Variants in RAI1 observed in about 807,000 individuals in gnomAD.
RAI1 encodes retinoic acid-induced protein 1.
In RAI1, 9 loss-of-function variants were observed where a neutral mutation model predicts 123.8. The ratio of observed to expected loss-of-function variants is 0.07; its 90% CI spans 0.04 to 0.13. The LOEUF (loss-of-function observed/expected upper bound fraction) is 0.13. Ranked by LOEUF, RAI1 falls within the 10% of genes least tolerant of loss-of-function variation. The pLI, the probability that RAI1 is intolerant of heterozygous loss-of-function variation, is 1.00. For missense variants in RAI1, 2,256 were observed against 2,545.8 expected, an observed-to-expected ratio of 0.89 and a Z score of 2.45; for synonymous variants, 1,231 against 1,127.3, an observed-to-expected ratio of 1.09 and a Z score of -1.84.
chr17:17,746,634 C>CTTTTTTTTTTTTTTTTTTTT (rs377692656), intron 2 of RAI1, among the ~76,000 whole-genome samples: 3 of 120,384 alleles, frequency 2.5e-5, no homozygotes, highest in African/African-American at 3.1e-5. Context: ...CTTTTCTTTT[C>CTTTTTTTTTTTTTTTTTTTT]TTTTTTTTTT....
intron 2 of RAI1, among the ~76,000 whole-genome samples, chr17:17,771,019 C>G (rs1213859544): frequency 1.3e-5 from 2 of 152,084 alleles, no homozygotes; most frequent in African/African-American, 4.8e-5. Flanking sequence ...AAGGGCAGGG[C>G]TCAGGAAAGG....
chr17:17,700,830 C>T (rs1915198425), intron 1 of RAI1, among the ~76,000 whole-genome samples: 1 of 152,200 alleles, frequency 6.6e-6, no homozygotes, highest in Non-Finnish European at 1.5e-5. Context: ...CGCGCCGTCC[C>T]CCGGCCATCT....
chr17:17,689,876 G>C (rs1268574668), intron 1 of RAI1, among the ~76,000 whole-genome samples: 2 of 152,102 alleles, frequency 1.3e-5, no homozygotes, highest in African/African-American at 4.8e-5. Flanking sequence ...CTTGGTGCTG[G>C]AGGAGGTCAC....
intron 3 of RAI1, 121 bp downstream of exon 3, chr17:17,798,634 G>A: frequency 6.7e-7 from 1 of 1,489,306 alleles, no homozygotes; most frequent in Non-Finnish European, 9.0e-7. Context: ...GCAGTCTCGG[G>A]ACAATCTGCA....
chr17:17,746,585 C>T (rs1008208845), intron 2 of RAI1, among the ~76,000 whole-genome samples: 12 of 151,832 alleles, frequency 7.9e-5, no homozygotes, highest in African/African-American at 2.9e-4. Context: ...CAAAAGCCAT[C>T]GCCTGTCCCA....
At chr17:17,731,974 G>A (rs1340168468) in intron 2 of RAI1, among the ~76,000 whole-genome samples, 1 of 152,030 alleles carries the variant, frequency 6.6e-6, no homozygotes, top group African/African-American at 2.4e-5. Context: ...GGCACAGGCT[G>A]GAGGAGGATT....
At chr17:17,791,233 C>T (rs2032002806) in intron 2 of RAI1, among the ~76,000 whole-genome samples, 1 of 152,210 alleles carries the variant, frequency 6.6e-6, no homozygotes, top group Non-Finnish European at 1.5e-5. Flanking sequence ...GGCTGACGGG[C>T]TTCTGGGGGC....
intron 2 of RAI1, among the ~76,000 whole-genome samples, chr17:17,730,847 C>T (rs560672461): frequency 2.0e-5 from 3 of 152,176 alleles, no homozygotes; most frequent in African/African-American, 4.8e-5. Context: ...AAGTGTGGCA[C>T]GGGGCGGAGA....
At chr17:17,700,403 C>A (rs1381006727) in intron 1 of RAI1, among the ~76,000 whole-genome samples, 1 of 151,686 alleles carries the variant, frequency 6.6e-6, no homozygotes, top group East Asian at 1.9e-4. Flanking sequence ...GGGGCTCCAG[C>A]GGCCGCGCCC....
rs376596325 is a variant in RAI1, at chr17:17,794,748, C to T, written c.1800C>T (p.Ser600=). ...GGGACTGTCCGCGGCTGCTGCTCAG[C>T]GCCCTGGCACAGGAGGACCTGGCCT... The part of the protein sequence containing the change: ...GERDCPRLLL[S]ALAQEDLASE... The change falls in exon 3 of 6, where the codon AGC becomes AGT. Residue 600 remains serine (S), a synonymous_variant. Coordinates refer to ENST00000353383, the MANE Select transcript of RAI1 (RefSeq NM_030665.4). The T allele has an allele frequency of 3.3e-5, 53 of 1,612,468 alleles. No homozygotes were observed. In the Middle Eastern group the frequency reaches 1.2e-3, roughly 35 times the overall value.
At position 17,793,463 on chromosome 17, in the gene RAI1, A is replaced by G. The variant is rs767738169; in HGVS notation, c.515A>G (p.His172Arg). 5 of 1,613,290 alleles carry G rather than the reference A, an allele frequency of 3.1e-6. No individual in the cohort carries two copies. The South Asian group carries it at 5.5e-5, about 18-fold the overall frequency. Residue 172 changes from histidine (H) to arginine (R), a missense_variant, in exon 3 of 6, where the codon CAC becomes CGC. Around this residue, in one of 7 missense-constraint regions of RAI1, gnomAD observed 336 missense variants for 349.8 expected, o/e 0.96. Transcript: ENST00000353383. ...AQVPFRTHSL[H>R]VQQPPPPQQP... ...GTGCCCTTTCGGACTCACTCCCTGCACGTCCAGCAGCCACCGCCGCCCCAG... is the reference window on the plus strand; with the variant it reads ...GTGCCCTTTCGGACTCACTCCCTGCGCGTCCAGCAGCCACCGCCGCCCCAG...
Position 17,793,425 on chromosome 17 carries a change from G to A in RAI1, c.477G>A (p.Glu159=), listed in dbSNP as rs755444498. ...TGCCCCCCAGCAGGCAGTATGCAGA[G>A]CAGGGCGCCCAGGTGCCCTTTCGGA... ...TAVPPSRQYA[E]QGAQVPFRTH... The change falls in exon 3 of 6, where the codon GAG becomes GAA. Residue 159 remains glutamate (E), a synonymous_variant. Transcript: ENST00000353383. The A allele has an allele frequency of 4.3e-6, 7 of 1,613,432 alleles. No individual in the cohort carries two copies. Among genetic ancestry groups the A allele is most frequent in the Non-Finnish European group, 5.9e-6 (7 of 1,179,728 alleles).
chr17:17,800,384 G>A lies in RAI1; in HGVS notation c.5565+1871G>A, dbSNP rs938411563. On this transcript the variant is annotated intron_variant, in intron 3 of 5. Transcript: ENST00000353383. This position sits in a 1 kb window ranked among gnomAD's most constrained non-coding sequence, Gnocchi z 4.7. Reference sequence around the variant, plus strand: ...TTGTCCCCACGGCATCCTCGGTCCCGCAGCCTCACCAGGGGCTCCCCGACA... The same window carrying A: ...TTGTCCCCACGGCATCCTCGGTCCCACAGCCTCACCAGGGGCTCCCCGACA... Among the ~76,000 whole-genome samples the A allele has an allele frequency of 6.6e-6, 1 of 152,058 alleles. No individual in the cohort carries two copies. The highest frequency in any genetic ancestry group is 2.4e-5 in the African/African-American group (1 of 41,386).
intron 1 of RAI1, among the ~76,000 whole-genome samples, chr17:17,683,322 GCTT>G (rs1220344338): frequency 1.3e-5 from 2 of 152,138 alleles, no homozygotes; most frequent in African/African-American, 2.4e-5. Flanking sequence ...TGGGGGCTCT[GCTT>G]CTCTTCCTGC....
At chr17:17,692,695 G>C (rs1914882116) in intron 1 of RAI1, among the ~76,000 whole-genome samples, 1 of 152,204 alleles carries the variant, frequency 6.6e-6, no homozygotes, top group African/African-American at 2.4e-5. Flanking sequence ...CCATGAGCTT[G>C]GCTTCTGACC....
chr17:17,801,934 A>G lies in RAI1; in HGVS notation c.5566-1822A>G, dbSNP rs1371828436. ...TGCTGTGGGCATGAGGCTTCCAGCC[A>G]TGCCTGGCACATAGGAAGCTATTGT... On this transcript the variant is annotated intron_variant, in intron 3 of 5. Transcript: ENST00000353383. The surrounding 1 kb of genome is among the most constrained non-coding windows in gnomAD (Gnocchi z 4.1). The G allele has an allele frequency of 2.5e-6, 1 of 396,118 alleles. No individual in the cohort carries two copies. Among genetic ancestry groups the G allele is most frequent in the Non-Finnish European group, 5.1e-6 (1 of 195,882 alleles). 24.5% of individuals were successfully genotyped at this position (396,118 alleles called of 1,614,324 possible).
At chr17:17,798,749 C>T (rs934455021) in intron 3 of RAI1, among the ~76,000 whole-genome samples, 1 of 152,090 alleles carries the variant, frequency 6.6e-6, no homozygotes. Flanking sequence ...CGCCGGGGCC[C>T]GTATGCCCAG....
chr17:17,695,647 C>T (rs1915005843), intron 1 of RAI1, among the ~76,000 whole-genome samples: 1 of 152,182 alleles, frequency 6.6e-6, no homozygotes, highest in Non-Finnish European at 1.5e-5. Flanking sequence ...CTGCCTCAGC[C>T]TCCCGAGTAG....
chr17:17,703,196 A>C (rs961750832), intron 1 of RAI1, among the ~76,000 whole-genome samples: 1 of 152,170 alleles, frequency 6.6e-6, no homozygotes, highest in Non-Finnish European at 1.5e-5. Context: ...CAAGGCTTCC[A>C]GGCAGGGAGT....
Sources: gnomAD v4.1 joint callset for allele counts (sites outside exome capture counted in the v4.1 genomes callset) on GRCh38, gnomAD v4.1.1 for gene constraint, gnomAD v4.1.1 regional missense constraint, Gnocchi (gnomAD v3.1) non-coding constraint, MANE v1.5 for transcripts, NCBI Gene and HGNC (gene_info 2026-07-23, HGNC 2026-07-21) for gene names.